The following CDKAL1 variants were observed in gnomAD, a reference collection of about 807,000 sequenced individuals.
CDKAL1 encodes CDKAL1 threonylcarbamoyladenosine tRNA methylthiotransferase, also known as threonylcarbamoyladenosine tRNA methylthiotransferase.
A neutral mutation model predicts 68.2 loss-of-function variants in CDKAL1; 32 were observed. The observed-to-expected ratio is 0.47, with a 90% CI of 0.35 to 0.63. The LOEUF is 0.63. Ranked by LOEUF, CDKAL1 falls within the 30% of genes least tolerant of loss-of-function variation. The pLI, the probability that CDKAL1 is intolerant of heterozygous loss-of-function variation, is 0.00. For missense variants in CDKAL1, 606 were observed against 696.7 expected, an observed-to-expected ratio of 0.87 and a Z score of 1.47; for synonymous variants, 234 against 244.3, an observed-to-expected ratio of 0.96 and a Z score of 0.39.
intron 13 of CDKAL1, among the ~76,000 whole-genome samples, chr6:21,175,263 T>C (rs1489869112): frequency 6.6e-6 from 1 of 152,248 alleles, no homozygotes; most frequent in African/African-American, 2.4e-5. Flanking sequence ...ATTTTGACGT[T>C]ATTTTGGGCA....
intron 11 of CDKAL1, among the ~76,000 whole-genome samples, chr6:21,058,447 G>A (rs370870917): frequency 4.6e-5 from 7 of 152,140 alleles, no homozygotes; most frequent in Admixed American, 3.9e-4. Flanking sequence ...GCACACTGAT[G>A]GGTCTTGACT....
At chr6:20,555,342 A>C (rs1763991512) in intron 4 of CDKAL1, among the ~76,000 whole-genome samples, 1 of 152,040 alleles carries the variant, frequency 6.6e-6, no homozygotes, top group South Asian at 2.1e-4. Flanking sequence ...ATTTTCCGAG[A>C]TGGAGTCTTG....
chr6:21,228,326 T>C (rs1779829553), intron 15 of CDKAL1, among the ~76,000 whole-genome samples: 1 of 152,198 alleles, frequency 6.6e-6, no homozygotes, highest in African/African-American at 2.4e-5. Flanking sequence ...GATATGTAAA[T>C]GTGCTTCCAT....
intron 11 of CDKAL1, among the ~76,000 whole-genome samples, chr6:21,035,614 T>A (rs1405202412): frequency 6.6e-6 from 1 of 152,158 alleles, no homozygotes; most frequent in Non-Finnish European, 1.5e-5. Flanking sequence ...AGTACAATTT[T>A]AAAAATATAG....
rs796641379 is a variant in CDKAL1, at chr6:21,154,620, T to C, written c.1300-43401T>C. Among the ~76,000 whole-genome samples the C allele has an allele frequency of 2.8e-4, 43 of 152,350 alleles. 1 individual carries two copies. The highest frequency in any genetic ancestry group is 1.0e-3 in the African/African-American group (43 of 41,586). Reference sequence around the variant, plus strand: ...TCATTTGACTCTTGTCTACATGAAATGGAAATGTAAATTGCTTTCTAAAAG... The same window carrying C: ...TCATTTGACTCTTGTCTACATGAAACGGAAATGTAAATTGCTTTCTAAAAG... On this transcript the variant is annotated intron_variant, in intron 13 of 15. Transcript: ENST00000274695.
At chr6:21,147,942 G>A (rs1480304170) in intron 13 of CDKAL1, among the ~76,000 whole-genome samples, 2 of 152,070 alleles carry the variant, frequency 1.3e-5, no homozygotes, top group African/African-American at 4.8e-5. Context: ...TAAATCTAAT[G>A]ACTGTTTTAG....
At chr6:20,881,173 A>T (rs7763704) in intron 9 of CDKAL1, among the ~76,000 whole-genome samples, 83,896 of 152,054 alleles carry the variant, frequency 0.55, 23,498 homozygotes, top group African/African-American at 0.61. Flanking sequence ...TGGCTGGCTT[A>T]TTAAAAACAA....
chr6:20,898,611 C>T (rs889667845), intron 9 of CDKAL1, among the ~76,000 whole-genome samples: 10 of 151,856 alleles, frequency 6.6e-5, no homozygotes, highest in Admixed American at 6.6e-4. Context: ...GAGATGGAAA[C>T]CCGGTCCCTC....
chr6:20,567,046 T>C (rs1764488464), intron 4 of CDKAL1, among the ~76,000 whole-genome samples: 1 of 152,060 alleles, frequency 6.6e-6, no homozygotes, highest in East Asian at 1.9e-4. Context: ...GAAAGTGTAA[T>C]GTTCTTTTCG....
intron 5 of CDKAL1, among the ~76,000 whole-genome samples, chr6:20,650,611 A>G (rs970709628): frequency 1.3e-5 from 2 of 152,088 alleles, no homozygotes; most frequent in African/African-American, 4.8e-5. Flanking sequence ...TGATGTTTTC[A>G]TCATGAAATC....
intron 4 of CDKAL1, among the ~76,000 whole-genome samples, chr6:20,583,256 C>G (rs1360846178): frequency 6.6e-6 from 1 of 152,146 alleles, no homozygotes; most frequent in Non-Finnish European, 1.5e-5. Flanking sequence ...TTTCATATTT[C>G]TGTTTTCATA....
chr6:20,839,672 T>C (rs1450893392), intron 8 of CDKAL1, among the ~76,000 whole-genome samples: 4 of 152,136 alleles, frequency 2.6e-5, no homozygotes, highest in Non-Finnish European at 4.4e-5. Context: ...ACTTTCCTGT[T>C]CCCAGCTTCC....
intron 4 of CDKAL1, among the ~76,000 whole-genome samples, chr6:20,585,372 C>A (rs536441321): frequency 2.6e-5 from 4 of 152,188 alleles, no homozygotes; most frequent in African/African-American, 7.2e-5. Flanking sequence ...TTTTTTGACA[C>A]CACATTCTTA....
At chr6:20,983,320 A>T (rs1429332039) in intron 10 of CDKAL1, among the ~76,000 whole-genome samples, 1 of 152,142 alleles carries the variant, frequency 6.6e-6, no homozygotes, top group Admixed American at 6.6e-5. Flanking sequence ...TTTTTAAAAA[A>T]CCCACCCATT....
chr6:21,029,350 A>C (rs1769137495), intron 11 of CDKAL1, among the ~76,000 whole-genome samples: 1 of 152,050 alleles, frequency 6.6e-6, no homozygotes, highest in Non-Finnish European at 1.5e-5. Context: ...ATGAGCCACC[A>C]TACTGGCCAG....
chr6:20,535,397 A>G lies in CDKAL1; in HGVS notation c.-6+3A>G, dbSNP rs936878063. ...TAGACTAATTGCAGATAATTAAGGT[A>G]CTGATTTATTTTAAACCTTTTATGT... On this transcript the variant is annotated splice_donor_region_variant and intron_variant, in intron 2 of 15. Coordinates refer to ENST00000274695, the MANE Select transcript of CDKAL1 (RefSeq NM_017774.3). 6.6e-6 allele frequency: 1 copy of G among 152,364 alleles called. No individual in the cohort carries two copies. The highest frequency in any genetic ancestry group is 2.4e-5 in the African/African-American group (1 of 41,472). The allele number at this position is 152,364 out of a possible 1,614,324, so 9.4% of individuals were successfully genotyped here.
rs528602237 is a variant in CDKAL1 at position 21,014,500 on chromosome 6, A to G, written c.1055+14128A>G. The stretch of plus-strand genomic sequence containing the variant: ...GCAGTGGGTGCCTGTAGTCCCGGCT[A>G]CTCAGGAGGCTGAGGCAAGAGAATG... On this transcript the variant is annotated intron_variant, in intron 11 of 15. Transcript: ENST00000274695. Among the ~76,000 whole-genome samples the G allele has an allele frequency of 1.1e-3, 167 of 152,126 alleles. 3 individuals are homozygous for G. Among genetic ancestry groups the G allele is most frequent in the Admixed American group, 0.011 (166 of 15,272 alleles).
intron 9 of CDKAL1, among the ~76,000 whole-genome samples, chr6:20,905,129 A>G (rs932200541): frequency 1.3e-5 from 2 of 152,214 alleles, no homozygotes; most frequent in African/African-American, 4.8e-5. Flanking sequence ...CTGATGGCCT[A>G]TATTTTAGAC....
At chr6:21,140,887 C>T (rs558798949) in intron 13 of CDKAL1, among the ~76,000 whole-genome samples, 8 of 152,182 alleles carry the variant, frequency 5.3e-5, no homozygotes, top group Non-Finnish European at 1.2e-4. Context: ...CGAATCATGG[C>T]GGGAGGCAAA....
Sources: allele counts gnomAD v4.1 joint callset (sites outside exome capture counted in the v4.1 genomes callset), GRCh38; gene constraint gnomAD v4.1.1; transcripts MANE v1.5; gene names NCBI Gene and HGNC (gene_info 2026-07-23, HGNC 2026-07-21).